Variants in NKAIN2 observed in about 807,000 individuals in gnomAD.
The protein encoded by NKAIN2 is sodium/potassium transporting ATPase interacting 2, also known as sodium/potassium-transporting ATPase subunit beta-1-interacting protein 2.
In NKAIN2, 14 loss-of-function variants were observed where a neutral mutation model predicts 32.6. The ratio of observed to expected loss-of-function variants is 0.43; its 90% CI spans 0.28 to 0.67. The LOEUF is 0.67. Ranked by LOEUF, NKAIN2 falls within the 30% of genes least tolerant of loss-of-function variation. The probability of loss-of-function intolerance (pLI) is 0.17; values close to 1 mark genes in which losing one functional copy is unlikely to be tolerated. For synonymous variants in NKAIN2, 80 were observed against 87.2 expected, an observed-to-expected ratio of 0.92 and a Z score of 0.46; for missense variants, 198 against 258.3, an observed-to-expected ratio of 0.77 and a Z score of 1.60.
chr6:124,231,616 G>A (rs1582891353), intron 1 of NKAIN2, among the ~76,000 whole-genome samples: 1 of 152,040 alleles, frequency 6.6e-6, no homozygotes, highest in South Asian at 2.1e-4. Flanking sequence ...TAAGTCTTAC[G>A]AAATCTGATG....
chr6:123,808,000 A>AT (rs1405817978), intron 1 of NKAIN2, among the ~76,000 whole-genome samples: 3 of 151,960 alleles, frequency 2.0e-5, no homozygotes, highest in Non-Finnish European at 2.9e-5. Flanking sequence ...AAAGGTACAT[A>AT]TTTTTTTTCC....
intron 3 of NKAIN2, among the ~76,000 whole-genome samples, chr6:124,398,252 C>CA (rs869039720): frequency 0.033 from 2,306 of 68,886 alleles, 258 homozygotes; most frequent in East Asian, 0.048. Flanking sequence ...GACTGCATCT[C>CA]AAAAAAAAAA....
chr6:124,557,358 C>A (rs1303520333), intron 3 of NKAIN2, among the ~76,000 whole-genome samples: 1 of 152,062 alleles, frequency 6.6e-6, no homozygotes, highest in African/African-American at 2.4e-5. Context: ...AAAAAAAACT[C>A]TTTGAGTTAC....
chr6:124,296,390 A>G (rs1796056145), intron 2 of NKAIN2, among the ~76,000 whole-genome samples: 1 of 152,156 alleles, frequency 6.6e-6, no homozygotes, highest in Non-Finnish European at 1.5e-5. Context: ...ATTATTTTAC[A>G]TAACTGCTTC....
intron 4 of NKAIN2, among the ~76,000 whole-genome samples, chr6:124,659,158 A>G (rs1191024440): frequency 2.0e-5 from 3 of 152,190 alleles, no homozygotes; most frequent in Non-Finnish European, 4.4e-5. Flanking sequence ...CAACTTTATG[A>G]CACATGAATC....
intron 4 of NKAIN2, among the ~76,000 whole-genome samples, chr6:124,685,172 G>A (rs1773806273): frequency 6.6e-6 from 1 of 152,128 alleles, no homozygotes; most frequent in Non-Finnish European, 1.5e-5. Context: ...AGGAATTTGA[G>A]ATATTTCTCA....
At chr6:124,034,758 T>G (rs1428873223) in intron 1 of NKAIN2, among the ~76,000 whole-genome samples, 1 of 152,114 alleles carries the variant, frequency 6.6e-6, no homozygotes, top group East Asian at 1.9e-4. Context: ...GTGCCCCATT[T>G]TTTTCACATC....
chr6:123,973,445 T>C (rs563694718), intron 1 of NKAIN2, among the ~76,000 whole-genome samples: 1 of 152,174 alleles, frequency 6.6e-6, no homozygotes, highest in East Asian at 1.9e-4. Flanking sequence ...CTTTTATAGC[T>C]TACATCTTAC....
chr6:124,534,212 C>T (rs1779632246), intron 3 of NKAIN2, among the ~76,000 whole-genome samples: 1 of 151,726 alleles, frequency 6.6e-6, no homozygotes. Flanking sequence ...AGTGCAGTGA[C>T]ACAATTTTGG....
chr6:124,494,068 C>G (rs551684767), intron 3 of NKAIN2, among the ~76,000 whole-genome samples: 1 of 152,160 alleles, frequency 6.6e-6, no homozygotes, highest in African/African-American at 2.4e-5. Flanking sequence ...TCCTGATTCT[C>G]CAAACCAGTT....
chr6:124,290,461 C>T (rs1293030844), intron 2 of NKAIN2, among the ~76,000 whole-genome samples: 1 of 151,234 alleles, frequency 6.6e-6, no homozygotes, highest in Non-Finnish European at 1.5e-5. Flanking sequence ...CCATACTCTT[C>T]TCCAGCTGTT....
rs1416952121 is a variant in NKAIN2 at position 124,557,398 on chromosome 6, G to A, written c.274-100788G>A. Among the ~76,000 whole-genome samples the A allele has an allele frequency of 2.6e-5, 4 of 152,050 alleles. No individual in the cohort carries two copies. In the South Asian group the frequency reaches 8.3e-4, roughly 32 times the overall value. Reference sequence around the variant, plus strand: ...TGCTTTATAGCCCTGCGCTAAAAAGGCACAATTTTCCTCTTTCAAGGTAAT... The same window carrying A: ...TGCTTTATAGCCCTGCGCTAAAAAGACACAATTTTCCTCTTTCAAGGTAAT... On this transcript the variant is annotated intron_variant, in intron 3 of 6. Transcript: ENST00000368417.
chr6:124,183,834 T>G (rs1789573351), intron 1 of NKAIN2, among the ~76,000 whole-genome samples: 1 of 152,176 alleles, frequency 6.6e-6, no homozygotes, highest in Non-Finnish European at 1.5e-5. Flanking sequence ...TTTTTGAGAT[T>G]GAAATTTTAC....
chr6:124,713,576 T>C (rs1020051588), intron 4 of NKAIN2, among the ~76,000 whole-genome samples: 1 of 152,182 alleles, frequency 6.6e-6, no homozygotes, highest in Non-Finnish European at 1.5e-5. Flanking sequence ...TGTGGTTTCA[T>C]TTTAGGAAAT....
chr6:124,170,396 T>A (rs909421330), intron 1 of NKAIN2, among the ~76,000 whole-genome samples: 12 of 152,168 alleles, frequency 7.9e-5, no homozygotes, highest in Non-Finnish European at 1.3e-4. Flanking sequence ...TCCATAGATA[T>A]TTTTTTCTAT....
chr6:123,870,077 T>G (rs140556849), intron 1 of NKAIN2, among the ~76,000 whole-genome samples: 21 of 152,318 alleles, frequency 1.4e-4, no homozygotes, highest in Non-Finnish European at 2.4e-4. Context: ...GTCAGTAAAC[T>G]TGACAATTAT....
At chr6:124,630,791 T>G (rs928464890) in intron 3 of NKAIN2, among the ~76,000 whole-genome samples, 2 of 152,126 alleles carry the variant, frequency 1.3e-5, no homozygotes, top group African/African-American at 4.8e-5. Flanking sequence ...ATACAGTTAA[T>G]AAAAACTAAA....
intron 1 of NKAIN2, among the ~76,000 whole-genome samples, chr6:124,224,262 T>C (rs1231127451): frequency 6.6e-6 from 1 of 152,200 alleles, no homozygotes; most frequent in African/African-American, 2.4e-5. Context: ...GAGAGACTCC[T>C]GATTATTCCT....
At chr6:123,904,130 C>T in intron 1 of NKAIN2, among the ~76,000 whole-genome samples, 1 of 151,758 alleles carries the variant, frequency 6.6e-6, no homozygotes, top group Non-Finnish European at 1.5e-5. Flanking sequence ...ACTTGGGAGA[C>T]TGAGGCAGGC....
Sources: gnomAD v4.1 joint callset for allele counts (sites outside exome capture counted in the v4.1 genomes callset) on GRCh38, gnomAD v4.1.1 for gene constraint, MANE v1.5 for transcripts, NCBI Gene and HGNC (gene_info 2026-07-23, HGNC 2026-07-21) for gene names.